Variants in SLC22A23 observed in about 807,000 individuals in gnomAD.
The protein encoded by SLC22A23 is ion transporter protein.
In SLC22A23, 26 loss-of-function variants were observed where a neutral mutation model predicts 61.0. That is an observed-to-expected ratio of 0.43 (90% CI 0.31 to 0.59). The LOEUF (loss-of-function observed/expected upper bound fraction) is 0.59, where lower values mean the gene tolerates loss of function less well. Among genes scored for constraint, SLC22A23 ranks in the 20% least tolerant of loss-of-function variants. The probability of loss-of-function intolerance (pLI) is 0.11; values close to 1 mark genes in which losing one functional copy is unlikely to be tolerated. For missense variants in SLC22A23, 796 were observed against 934.7 expected (o/e 0.85, Z 1.94); for synonymous variants, 430 against 413.9 (o/e 1.04, Z -0.47).
rs774778214 is a variant in SLC22A23 at position 3,273,066 on chromosome 6, T to G, written c.2050A>C (p.Lys684Gln). 1 of 1,564,466 alleles carries G rather than the reference T, an allele frequency of 6.4e-7. No homozygotes were observed. Among genetic ancestry groups the G allele is most frequent in the East Asian group, 2.3e-5 (1 of 44,278 alleles). ...TTCCGCAGGCCGGGCTACATGGCCT[T>G]CATGCCGTTGGCCGTGGCACCCTCG... ...LPEGATANGM[K>Q]AM The change falls in exon 10 of 10, where the codon AAG becomes CAG. Residue 684 changes from lysine (K) to glutamine (Q), a missense_variant. Physicochemically the swap from Lys to Gln is moderately conservative, Grantham distance 53. Coordinates refer to ENST00000406686, the MANE Select transcript of SLC22A23 (RefSeq NM_015482.2).
At chr6:3,421,773 A>G (rs1468003140) in intron 1 of SLC22A23, among the ~76,000 whole-genome samples, 1 of 152,226 alleles carries the variant, frequency 6.6e-6, no homozygotes, top group African/African-American at 2.4e-5. Context: ...CAAAATCATT[A>G]AAAAACAAAC....
intron 4 of SLC22A23, among the ~76,000 whole-genome samples, chr6:3,311,316 G>T (rs1762355713): frequency 6.6e-6 from 1 of 152,166 alleles, no homozygotes; most frequent in Non-Finnish European, 1.5e-5. Flanking sequence ...CTGCAGTGAG[G>T]GTGCTTCTGA....
chr6:3,326,428 C>G (rs557058199), intron 3 of SLC22A23, among the ~76,000 whole-genome samples: 1 of 152,278 alleles, frequency 6.6e-6, no homozygotes, highest in Non-Finnish European at 1.5e-5. Flanking sequence ...GAATCAGCAT[C>G]TGCATCTTAA....
chr6:3,339,058 G>A (rs1764012622), intron 3 of SLC22A23, among the ~76,000 whole-genome samples: 1 of 152,202 alleles, frequency 6.6e-6, no homozygotes, highest in Non-Finnish European at 1.5e-5. Context: ...GCTGCAGAGG[G>A]AAGAGCAGGG....
chr6:3,432,820 G>T (rs769891943), intron 1 of SLC22A23, among the ~76,000 whole-genome samples: 5 of 152,228 alleles, frequency 3.3e-5, no homozygotes, highest in Non-Finnish European at 5.9e-5. Flanking sequence ...TTTTTAGCAA[G>T]GAGCAGGCAA....
At chr6:3,287,675 GTTT>G (rs11418179) in intron 6 of SLC22A23, among the ~76,000 whole-genome samples, 4 of 136,884 alleles carry the variant, frequency 2.9e-5, no homozygotes, top group African/African-American at 9.4e-5. Flanking sequence ...ACAGGAAACT[GTTT>G]TTTTTTTTGT....
Position 3,390,719 on chromosome 6 carries a change from A to C in SLC22A23, c.913+19469T>G, listed in dbSNP as rs1046167851. On this transcript the variant is annotated intron_variant, in intron 3 of 9. Coordinates refer to ENST00000406686, the MANE Select transcript of SLC22A23 (RefSeq NM_015482.2). This position sits in a 1 kb window ranked among gnomAD's most constrained non-coding sequence, Gnocchi z 4.0. ...AGCATCTCTGAGCCTGGTATGTATCAGTGGACCCCAAGTGGGGCTATGGAG... is the reference window on the plus strand; with the variant it reads ...AGCATCTCTGAGCCTGGTATGTATCCGTGGACCCCAAGTGGGGCTATGGAG... Among the ~76,000 whole-genome samples the C allele has an allele frequency of 1.1e-4, 17 of 152,214 alleles. No individual in the cohort carries two copies. The highest frequency in any genetic ancestry group is 3.9e-4 in the African/African-American group (16 of 41,460).
At chr6:3,389,628 C>T (rs1767538384) in intron 3 of SLC22A23, among the ~76,000 whole-genome samples, 1 of 152,212 alleles carries the variant, frequency 6.6e-6, no homozygotes. Flanking sequence ...ATTTCAGGCT[C>T]ACTACAGTCA....
chr6:3,292,865 G>T (rs552347749), intron 5 of SLC22A23, among the ~76,000 whole-genome samples: 1 of 152,070 alleles, frequency 6.6e-6, no homozygotes, highest in Non-Finnish European at 1.5e-5. Flanking sequence ...CGGGGAGCAC[G>T]TGTCTTCCCG....
chr6:3,318,866 C>T lies in SLC22A23; in HGVS notation c.1082+4968G>A, dbSNP rs1762790065. Among the ~76,000 whole-genome samples the T allele has an allele frequency of 2.6e-5, 4 of 152,136 alleles. No individual in the cohort carries two copies. In the South Asian group the frequency reaches 8.3e-4, roughly 31 times the overall value. ...CCATCTCAGGAAACAGACCCAGCTG[C>T]CATCACTGCCTCCTCTCTCACCTTT... On this transcript the variant is annotated intron_variant, in intron 4 of 9. Transcript: ENST00000406686. This position sits in a 1 kb window ranked among gnomAD's most constrained non-coding sequence, Gnocchi z 4.3.
At chr6:3,385,657 T>C (rs1438858229) in intron 3 of SLC22A23, among the ~76,000 whole-genome samples, 1 of 152,258 alleles carries the variant, frequency 6.6e-6, no homozygotes, top group Non-Finnish European at 1.5e-5. Flanking sequence ...TGTCCCCTAC[T>C]GTTGGAGCTA....
rs958158815 is a variant in SLC22A23 at position 3,318,666 on chromosome 6, G to C, written c.1082+5168C>G. 6.6e-6 allele frequency among the ~76,000 whole-genome samples: 1 copy of C among 152,046 alleles called. No homozygotes were observed. Among genetic ancestry groups the C allele is most frequent in the African/African-American group, 2.4e-5 (1 of 41,384 alleles). On this transcript the variant is annotated intron_variant, in intron 4 of 9. Coordinates refer to ENST00000406686, the MANE Select transcript of SLC22A23 (RefSeq NM_015482.2). The surrounding 1 kb of genome is among the most constrained non-coding windows in gnomAD (Gnocchi z 4.3). Reference sequence around the variant, plus strand: ...ATCTTTCAATGGCAATTGTCTCCTGGCCTGCTGACCTCACTATACCTGGAT... The same window carrying C: ...ATCTTTCAATGGCAATTGTCTCCTGCCCTGCTGACCTCACTATACCTGGAT...
rs143682508 is a variant in SLC22A23, at chr6:3,292,004, G to T, written c.1211-2138C>A. 9 of 151,350 alleles carry T rather than the reference G, an allele frequency of 5.9e-5. No individual in the cohort carries two copies. In the East Asian group the frequency reaches 1.7e-3, roughly 29 times the overall value. 9.4% of individuals were successfully genotyped at this position (151,350 alleles called of 1,614,324 possible). On this transcript the variant is annotated intron_variant, in intron 5 of 9. Transcript: ENST00000406686. ...CAGTCTAAAAAATTGACTGTAGTCT[G>T]CAGAGGTAACTGAATTCTTCTAAGT...
In SLC22A23 at chr6:3,313,333, T is replaced by C. The variant is rs923543154; in HGVS notation, c.1082+10501A>G. ...ATCTATCTCCCATCTAGATAGTTTG[T>C]AGGCAGAAAAGATTTGACCAAGAAA... On this transcript the variant is annotated intron_variant, in intron 4 of 9. Transcript: ENST00000406686. 3 of 152,246 alleles carry C rather than the reference T, an allele frequency of 2.0e-5. No homozygotes were observed. The East Asian group carries it at 5.8e-4, about 29-fold the overall frequency. The allele number at this position is 152,246 out of a possible 1,614,324, so 9.4% of individuals were successfully genotyped here.
At chr6:3,420,715 T>A (rs891959034) in intron 1 of SLC22A23, among the ~76,000 whole-genome samples, 10 of 152,314 alleles carry the variant, frequency 6.6e-5, no homozygotes, top group Admixed American at 2.6e-4. Context: ...CATATCAATA[T>A]ACACCAATAC....
intron 2 of SLC22A23, among the ~76,000 whole-genome samples, chr6:3,411,271 A>T (rs764214204): frequency 1.3e-5 from 2 of 152,194 alleles, no homozygotes; most frequent in Non-Finnish European, 2.9e-5. Context: ...TAACTCAGAG[A>T]AATGGGGGCA....
At chr6:3,422,322 G>A (rs1003405134) in intron 1 of SLC22A23, among the ~76,000 whole-genome samples, 2 of 152,054 alleles carry the variant, frequency 1.3e-5, no homozygotes, top group African/African-American at 4.8e-5. Context: ...CAATAGAAAT[G>A]GCAAGAACAC....
intron 5 of SLC22A23, 31 bp downstream of exon 5, chr6:3,298,056 CCTCT>C: frequency 6.8e-7 from 1 of 1,468,212 alleles, no homozygotes. Flanking sequence ...CCCCGTGGAG[CCTCT>C]CTGAGCCCTG....
chr6:3,439,757 A>G (rs951821684), intron 1 of SLC22A23, among the ~76,000 whole-genome samples: 4 of 152,082 alleles, frequency 2.6e-5, no homozygotes, highest in African/African-American at 9.7e-5. Flanking sequence ...GGGGCTGAGG[A>G]TATATATTCA....
Sources: allele counts gnomAD v4.1 joint callset (sites outside exome capture counted in the v4.1 genomes callset), GRCh38; gene constraint gnomAD v4.1.1; non-coding constraint Gnocchi (gnomAD v3.1); transcripts MANE v1.5; gene names NCBI Gene and HGNC (gene_info 2026-07-23, HGNC 2026-07-21).